Variants in FAM170B observed in about 807,000 individuals in gnomAD.
FAM170B encodes family with sequence similarity 170 member B.
FAM170B carries 4 observed loss-of-function variants against 3.9 expected under a neutral mutation model. The ratio of observed to expected loss-of-function variants is 1.01; its 90% CI spans 0.50 to 2.32. The LOEUF is 2.32. FAM170B is among the 30% of genes most tolerant of loss of function. The pLI, the probability that FAM170B is intolerant of heterozygous loss-of-function variation, is 0.02. For missense variants in FAM170B, 417 were observed against 368.6 expected, an observed-to-expected ratio of 1.13 and a Z score of -1.07; for synonymous variants, 163 against 149.8, an observed-to-expected ratio of 1.09 and a Z score of -0.64.
rs1845184263 is a variant in FAM170B, at chr10:49,131,721, G to T, written c.744C>A (p.Gly248=). The T allele has an allele frequency of 1.3e-6, 2 of 1,551,700 alleles. No individual in the cohort carries two copies. Among genetic ancestry groups the T allele is most frequent in the Non-Finnish European group, 1.7e-6 (2 of 1,146,984 alleles). ...CCTCCAGCTGTTGGTCATGTGCTTG[G>T]CCCTGAGCCCGCCTTCTCTCCAGCA... ...EEMLERRRAQ[G]QAHDQQLEEE... Residue 248 remains glycine (G), a synonymous_variant, in exon 2 of 2, where the codon GGC becomes GGA. Transcript: ENST00000311787.
At position 49,131,662 on chromosome 10, in the gene FAM170B, G is replaced by A. The variant is rs575098714; in HGVS notation, c.803C>T (p.Ser268Phe). The A allele has an allele frequency of 7.2e-5, 111 of 1,551,776 alleles. No homozygotes were observed. The African/African-American group carries it at 1.4e-3, about 19-fold the overall frequency. ...EQSPSDNSEC[S>F]RPQGEVLSAQ... ...TGAGAGCACCTCACCCTGGGGCCGG[G>A]AACATTCGCTGTTGTCTGAAGGACT... The change falls in exon 2 of 2, where the codon TCC (serine) becomes TTC (phenylalanine). Residue 268 changes from serine to phenylalanine, a missense_variant. Physicochemically the swap from Ser to Phe is radical, Grantham distance 155 (BLOSUM62 -2). Coordinates refer to ENST00000311787, the MANE Select transcript of FAM170B (RefSeq NM_001164484.2).
At position 49,131,991 on chromosome 10, in the gene FAM170B, G is replaced by A; in HGVS notation, c.474C>T (p.Ser158=). 1 of 1,551,706 alleles carries A rather than the reference G, an allele frequency of 6.4e-7. No homozygotes were observed. The highest frequency in any genetic ancestry group is 8.7e-7 in the Non-Finnish European group (1 of 1,146,996). ...CCAGGTCCCAGCGCATATCGGTGTT[G>A]GAAGCCATTTCGAAGGAGGAGCCGT... The part of the protein sequence containing the change: ...RWNGSSFEMA[S]NTDMRWDLEA... The change falls in exon 2 of 2, where the codon TCC becomes TCT. Residue 158 remains serine (S), a synonymous_variant. Coordinates refer to ENST00000311787, the MANE Select transcript of FAM170B (RefSeq NM_001164484.2).
intron 1 of FAM170B, among the ~76,000 whole-genome samples, chr10:49,132,977 A>G (rs1163412104): frequency 6.6e-6 from 1 of 152,182 alleles, no homozygotes; most frequent in Admixed American, 6.5e-5. Context: ...GACTGGTCAT[A>G]ATAAGGCACA....
chr10:49,133,691 C>G, intron 1 of FAM170B, 116 bp downstream of exon 1: 2 of 765,848 alleles, frequency 2.6e-6, no homozygotes, highest in Admixed American at 2.4e-5. Flanking sequence ...TGTTTATGGT[C>G]AACACAACCA....
chr10:49,131,946 G>A lies in FAM170B; in HGVS notation c.519C>T (p.Cys173=). The A allele has an allele frequency of 6.4e-7, 1 of 1,550,964 alleles. No individual in the cohort carries two copies. The highest frequency in any genetic ancestry group is 8.7e-7 in the Non-Finnish European group (1 of 1,146,992). Residue 173 remains cysteine (C), a synonymous_variant, in exon 2 of 2, where the codon TGC becomes TGT. Transcript: ENST00000311787. ...GGTCTATGTCCTCGGGCTCGGGGCT[G>A]CAGTTGCTCTTGCAGGCTTCCAGGT... The part of the protein sequence containing the change: ...RWDLEACKSN[C]SPEPEDIDLL...
chr10:49,132,104 C>T lies in FAM170B; in HGVS notation c.361G>A (p.Val121Met). 1.3e-6 allele frequency: 2 copies of T among 1,551,786 alleles called. No individual in the cohort carries two copies. The highest frequency in any genetic ancestry group is 1.7e-6 in the Non-Finnish European group (2 of 1,147,008). Residue 121 changes from valine to methionine, a missense_variant, in exon 2 of 2, where the codon GTG becomes ATG. Val to Met is a conservative substitution (Grantham distance 21). Coordinates refer to ENST00000311787, the MANE Select transcript of FAM170B (RefSeq NM_001164484.2). ...THVQTVRGVAVAWETEAGFEP... is the reference protein window; with the variant it reads ...THVQTVRGVAMAWETEAGFEP... ...AAGCCGGCCTCCGTCTCCCAGGCCACAGCCACACCCCGCACAGTCTGCACG... is the reference window on the plus strand; with the variant it reads ...AAGCCGGCCTCCGTCTCCCAGGCCATAGCCACACCCCGCACAGTCTGCACG...
rs763731117 is a variant in FAM170B at position 49,132,043 on chromosome 10, G to A, written c.422C>T (p.Ala141Val). The stretch of plus-strand genomic sequence containing the variant: ...CCACCTCTGCCTCTTGATGAACTGG[G>A]CTTCATGGATGCGGGGCTTCCTGGT... Reference protein sequence around the residue: ...PVTRKPRIHEAQFIKRQRWNG... With the variant: ...PVTRKPRIHEVQFIKRQRWNG... Residue 141 changes from alanine to valine, a missense_variant, in exon 2 of 2, where the codon GCC becomes GTC. Transcript: ENST00000311787. 5.8e-6 allele frequency: 9 copies of A among 1,551,746 alleles called. No homozygotes were observed. The highest frequency in any genetic ancestry group is 1.2e-5 in the South Asian group (1 of 84,062).
rs1040919053 is a variant in FAM170B at position 49,132,192 on chromosome 10, G to A, written c.273C>T (p.Cys91=). Reference sequence around the variant, plus strand: ...TGTCCTCATCGCACATGCAGGAGCAGCACGACTGGTACTGGGAGTAGGACT... The same window carrying A: ...TGTCCTCATCGCACATGCAGGAGCAACACGACTGGTACTGGGAGTAGGACT... The part of the protein sequence containing the change: ...EYQSYSQYQS[C]CSCMCDEDNA... The change falls in exon 2 of 2, where the codon TGC becomes TGT. Residue 91 remains cysteine, a synonymous_variant. Coordinates refer to ENST00000311787, the MANE Select transcript of FAM170B (RefSeq NM_001164484.2). 21 of 1,551,640 alleles carry A rather than the reference G, an allele frequency of 1.4e-5. No homozygotes were observed. The highest frequency in any genetic ancestry group is 2.0e-5 in the Admixed American group (1 of 50,994).
Position 49,131,480 on chromosome 10 carries a change from T to C in FAM170B, c.*133A>G. 1.5e-6 allele frequency: 2 copies of C among 1,322,268 alleles called. No individual in the cohort carries two copies. The highest frequency in any genetic ancestry group is 2.5e-5 in the East Asian group (1 of 39,412). 81.9% of individuals were successfully genotyped at this position (1,322,268 alleles called of 1,614,324 possible). A position where few individuals can be genotyped will look rare whatever the true frequency, so the allele number is the denominator to read the frequency against. On this transcript the variant is annotated 3_prime_UTR_variant, in exon 2 of 2. Transcript: ENST00000311787. ...TCCAGTCTCCTGGCCCTCCTTGCTC[T>C]ACACTCCATGCCTTTCCTTCCCCCT...
chr10:49,132,935 G>T (rs183441764), intron 1 of FAM170B, among the ~76,000 whole-genome samples: 17 of 152,298 alleles, frequency 1.1e-4, no homozygotes, highest in Admixed American at 2.6e-4. Context: ...ACAGCTCAGT[G>T]GTTGCCCAGA....
chr10:49,132,246 G>A lies in FAM170B; in HGVS notation c.219C>T (p.Ser73=), dbSNP rs1221960818. The A allele has an allele frequency of 1.3e-6, 2 of 1,551,484 alleles. No homozygotes were observed. The highest frequency in any genetic ancestry group is 4.9e-5 in the East Asian group (2 of 40,930). The change falls in exon 2 of 2, where the codon AGC becomes AGT. Residue 73 remains serine (S), a synonymous_variant. Transcript: ENST00000311787. ...ARDRGMRDWS[S]SPSSESSEYQ... is the part of the protein sequence containing the mutation. Reference sequence around the variant, plus strand: ...ACTCGGAGGACTCTGAGGATGGGGAGCTGCTCCAGTCCCGCATCCCCCGGT... The same window carrying A: ...ACTCGGAGGACTCTGAGGATGGGGAACTGCTCCAGTCCCGCATCCCCCGGT...
rs1845219490 is a variant in FAM170B, at chr10:49,133,981, G to T, written c.-63C>A. On this transcript the variant is annotated 5_prime_UTR_variant, in exon 1 of 2. Coordinates refer to ENST00000311787, the MANE Select transcript of FAM170B (RefSeq NM_001164484.2). ...TGTTCAGTGAGAGTTGGCTGGGGCTGTACTGAAGGCCTCCAGCTGGCCCCA... is the reference window on the plus strand; with the variant it reads ...TGTTCAGTGAGAGTTGGCTGGGGCTTTACTGAAGGCCTCCAGCTGGCCCCA... The T allele has an allele frequency of 2.3e-6, 3 of 1,330,274 alleles. No homozygotes were observed. The highest frequency in any genetic ancestry group is 1.4e-5 in the African/African-American group (1 of 68,992). 82.4% of individuals were successfully genotyped at this position (1,330,274 alleles called of 1,614,324 possible). A position where few individuals can be genotyped will look rare whatever the true frequency, so the allele number is the denominator to read the frequency against.
rs1250736000 is a variant in FAM170B at position 49,131,934 on chromosome 10, G to A, written c.531C>T (p.Pro177=). The A allele has an allele frequency of 6.5e-7, 1 of 1,550,118 alleles. No individual in the cohort carries two copies. Among genetic ancestry groups the A allele is most frequent in the Non-Finnish European group, 8.7e-7 (1 of 1,146,962 alleles). ...AGCACTCCAGCAGGTCTATGTCCTC[G>A]GGCTCGGGGCTGCAGTTGCTCTTGC... The part of the protein sequence containing the change: ...EACKSNCSPE[P]EDIDLLECCL... The change falls in exon 2 of 2, where the codon CCC becomes CCT. Residue 177 remains proline (P), a synonymous_variant. Coordinates refer to ENST00000311787, the MANE Select transcript of FAM170B (RefSeq NM_001164484.2).
rs1845216969 is a variant in FAM170B at position 49,133,830 on chromosome 10, T to G, written c.89A>C (p.Glu30Ala). Residue 30 changes from glutamate (E) to alanine (A), a missense_variant, in exon 1 of 2, where the codon GAG (glutamate) becomes GCG (alanine). Physicochemically the swap from Glu to Ala is moderately radical, Grantham distance 107. Transcript: ENST00000311787. The stretch of plus-strand genomic sequence containing the variant: ...ACCTGGCCAGAACACTTCCACACTC[T>G]CCTCAGTGGACTCAGGGCTGGTCAA... ...LSLTSPESTEESVEVFWPGTI... is the reference protein window; with the variant it reads ...LSLTSPESTEASVEVFWPGTI... The G allele has an allele frequency of 1.9e-6, 3 of 1,551,522 alleles. No individual in the cohort carries two copies. In the Admixed American group the frequency reaches 5.9e-5, roughly 30 times the overall value.
chr10:49,133,954 G>T lies in FAM170B; in HGVS notation c.-36C>A. 1 of 1,511,120 alleles carries T rather than the reference G, an allele frequency of 6.6e-7. No individual in the cohort carries two copies. Among genetic ancestry groups the T allele is most frequent in the Non-Finnish European group, 9.0e-7 (1 of 1,109,884 alleles). The allele number at this position is 1,511,120 out of a possible 1,614,324, so 93.6% of individuals were successfully genotyped here. A position where few individuals can be genotyped will look rare whatever the true frequency, so the allele number is the denominator to read the frequency against. On this transcript the variant is annotated 5_prime_UTR_variant, in exon 1 of 2. The change creates a new upstream start codon in the 5' untranslated region. Transcript: ENST00000311787. The stretch of plus-strand genomic sequence containing the variant: ...GAGTGCCCAGGGTGTCGGTGCTCCA[G>T]CTGTTCAGTGAGAGTTGGCTGGGGC...
rs1376165981 is a variant in FAM170B, at chr10:49,132,106, G to A, written c.359C>T (p.Ala120Val). ...GCCGGCCTCCGTCTCCCAGGCCACA[G>A]CCACACCCCGCACAGTCTGCACGTG... ...YTHVQTVRGV[A>V]VAWETEAGFE... Residue 120 changes from alanine to valine, a missense_variant, in exon 2 of 2, where the codon GCT becomes GTT. Ala to Val is a moderately conservative substitution (Grantham distance 64, BLOSUM62 0). Transcript: ENST00000311787. 6.4e-7 allele frequency: 1 copy of A among 1,551,754 alleles called. No individual in the cohort carries two copies. Among genetic ancestry groups the A allele is most frequent in the Admixed American group, 2.0e-5 (1 of 51,012 alleles).
rs768325770 is a variant in FAM170B, at chr10:49,132,137, A to G, written c.328T>C (p.Tyr110His). Residue 110 changes from tyrosine (Y) to histidine (H), a missense_variant, in exon 2 of 2, where the codon TAC becomes CAC. Physicochemically the swap from Tyr to His is moderately conservative, Grantham distance 83. Coordinates refer to ENST00000311787, the MANE Select transcript of FAM170B (RefSeq NM_001164484.2). ...NAAPQSVCAF[Y>H]THVQTVRGVA... is the part of the protein sequence containing the mutation. Reference sequence around the variant, plus strand: ...CCCCGCACAGTCTGCACGTGCGTGTAGAAGGCACACACACTCTGCGGAGCA... The same window carrying G: ...CCCCGCACAGTCTGCACGTGCGTGTGGAAGGCACACACACTCTGCGGAGCA... 3 of 1,551,604 alleles carry G rather than the reference A, an allele frequency of 1.9e-6. No individual in the cohort carries two copies. The South Asian group carries it at 3.6e-5, about 18-fold the overall frequency.
intron 1 of FAM170B, among the ~76,000 whole-genome samples, chr10:49,132,845 C>CA (rs111650567): frequency 0.05 from 7,159 of 142,714 alleles, 258 homozygotes; most frequent in South Asian, 0.14. Flanking sequence ...AGAATGTGAA[C>CA]AAAAAAAAAA....
chr10:49,133,624 C>T (rs1845213484), intron 1 of FAM170B, among the ~76,000 whole-genome samples, 183 bp downstream of exon 1: 1 of 152,080 alleles, frequency 6.6e-6, no homozygotes, highest in South Asian at 2.1e-4. Context: ...ATACTCATAA[C>T]AGCCTCAGTC....
Sources: allele counts gnomAD v4.1 joint callset (sites outside exome capture counted in the v4.1 genomes callset), GRCh38; gene constraint gnomAD v4.1.1; transcripts MANE v1.5; gene names NCBI Gene and HGNC (gene_info 2026-07-23, HGNC 2026-07-21).